The following THSD7A variants were observed in gnomAD, a reference collection of about 807,000 sequenced individuals.
THSD7A encodes the protein thrombospondin type-1 domain-containing protein 7A.
In THSD7A, 96 loss-of-function variants were observed where a neutral mutation model predicts 231.3. The observed-to-expected ratio is 0.41, with a 90% CI of 0.35 to 0.49. The LOEUF is 0.49. THSD7A is among the 20% of genes least tolerant of loss of function. THSD7A has a pLI of 0.05. For missense variants in THSD7A, 2,290 were observed against 2,070.2 expected (o/e 1.11, Z -2.06); for synonymous variants, 940 against 743.3 (o/e 1.26, Z -4.30).
Position 11,411,227 on chromosome 7 carries a change from C to T in THSD7A, c.3778G>A (p.Asp1260Asn). The change falls in exon 19 of 28, where the codon GAC (aspartate) becomes AAC (asparagine). Residue 1260 changes from aspartate (D) to asparagine (N), a missense_variant. Asp to Asn is a conservative substitution (Grantham distance 23). Coordinates refer to ENST00000423059, the MANE Select transcript of THSD7A (RefSeq NM_015204.3). This position sits in a 1 kb window ranked among gnomAD's most constrained non-coding sequence, Gnocchi z 4.1. The part of the protein sequence containing the change: ...DCVRSDGKSV[D>N]LKYCEALGLE... ...CCTACCGCTTCACAATATTTCAGGT[C>T]AACTGACTTGCCATCACTTCGAACA... 1 of 1,613,554 alleles carries T rather than the reference C, an allele frequency of 6.2e-7. No homozygotes were observed.
intron 1 of THSD7A, among the ~76,000 whole-genome samples, chr7:11,809,501 T>C (rs1784475854): frequency 2.6e-5 from 4 of 152,154 alleles, no homozygotes; most frequent in Admixed American, 6.6e-5. Flanking sequence ...CCCATGAGTG[T>C]ATACAAAAGC....
chr7:11,581,810 T>C (rs1197207727), intron 4 of THSD7A, among the ~76,000 whole-genome samples: 1 of 152,126 alleles, frequency 6.6e-6, no homozygotes, highest in Non-Finnish European at 1.5e-5. Flanking sequence ...GGCAAACTAA[T>C]ATTGTTATTT....
chr7:11,652,746 A>C (rs1304443877), intron 1 of THSD7A, among the ~76,000 whole-genome samples: 2 of 151,986 alleles, frequency 1.3e-5, no homozygotes, highest in Non-Finnish European at 2.9e-5. Flanking sequence ...GGGTGAGGCA[A>C]ACTCCATGTG....
intron 4 of THSD7A, among the ~76,000 whole-genome samples, chr7:11,546,684 T>C (rs1305933938): frequency 6.6e-6 from 1 of 152,150 alleles, no homozygotes; most frequent in Non-Finnish European, 1.5e-5. Context: ...TTCAAATGAC[T>C]GCACTAGTTC....
chr7:11,427,768 T>C (rs984834976), intron 14 of THSD7A, among the ~76,000 whole-genome samples: 4 of 152,184 alleles, frequency 2.6e-5, no homozygotes, highest in African/African-American at 9.6e-5. Flanking sequence ...TGCAGTTATA[T>C]AATTATAGTT....
intron 1 of THSD7A, among the ~76,000 whole-genome samples, chr7:11,670,806 TA>T (rs1012635109): frequency 1.9e-4 from 29 of 152,212 alleles, no homozygotes; most frequent in African/African-American, 6.0e-4. Flanking sequence ...ATTAATCTAA[TA>T]AAAAAACAGG....
chr7:11,651,284 G>A (rs1782490823), intron 1 of THSD7A, among the ~76,000 whole-genome samples: 1 of 151,996 alleles, frequency 6.6e-6, no homozygotes, highest in Admixed American at 6.6e-5. Context: ...GATAGGTGAA[G>A]AAGGATATGG....
intron 15 of THSD7A, 115 bp from the exon 16 acceptor site, chr7:11,424,944 T>C: frequency 8.1e-7 from 1 of 1,234,394 alleles, no homozygotes; most frequent in Non-Finnish European, 1.1e-6. Context: ...TCCCCTCCTT[T>C]ACTGCTTATT....
chr7:11,738,792 A>G (rs1274145627), intron 1 of THSD7A, among the ~76,000 whole-genome samples: 1 of 151,966 alleles, frequency 6.6e-6, no homozygotes, highest in Non-Finnish European at 1.5e-5. Context: ...GGATGCTAGA[A>G]AAGGTAAGAA....
intron 23 of THSD7A, among the ~76,000 whole-genome samples, chr7:11,389,287 G>A (rs1164378334): frequency 1.3e-5 from 2 of 152,092 alleles, no homozygotes; most frequent in African/African-American, 4.8e-5. Flanking sequence ...CCTGCATTGG[G>A]TGCATCTATA....
intron 4 of THSD7A, among the ~76,000 whole-genome samples, chr7:11,588,290 C>T (rs182185178): frequency 3.9e-5 from 6 of 152,098 alleles, no homozygotes; most frequent in Non-Finnish European, 7.4e-5. Flanking sequence ...ATGTTAAGTG[C>T]TCCCGGGGAG....
Position 11,814,471 on chromosome 7 carries a change from T to C in THSD7A, c.190+17286A>G, listed in dbSNP as rs73300415. Among the ~76,000 whole-genome samples the C allele has an allele frequency of 0.081, 12,363 of 152,138 alleles. 1,335 individuals carry two copies. Among genetic ancestry groups the C allele is most frequent in the African/African-American group, 0.24 (9,959 of 41,480 alleles). ...TAGACGATGCTATCAGGGTAGAAAA[T>C]TACCTCAAGAAGAATGATCTTGAAA... On this transcript the variant is annotated intron_variant, in intron 1 of 27. Transcript: ENST00000423059. The surrounding 1 kb of genome is among the most constrained non-coding windows in gnomAD (Gnocchi z 5.1).
intron 1 of THSD7A, among the ~76,000 whole-genome samples, chr7:11,789,210 C>A (rs1437977101): frequency 6.6e-6 from 1 of 151,962 alleles, no homozygotes; most frequent in Admixed American, 6.6e-5. Flanking sequence ...GTGCCTGGAA[C>A]TTTGCTGAGA....
In THSD7A at chr7:11,590,460, C is replaced by A; in HGVS notation, c.1453G>T (p.Ala485Ser). ...SQLSTHKNKE[A>S]SKPMDLKLCT... The stretch of plus-strand genomic sequence containing the variant: ...TCCTTGAGAAGAAAGCAAAGGTTAC[C>A]TTCTTTGTTCTTGTGGGTACTTAAT... Residue 485 changes from alanine to serine, a missense_variant and splice_region_variant, in exon 4 of 28, where the codon GCC (alanine) becomes TCC (serine). By Grantham distance (99) the Ala-to-Ser change is moderately conservative (BLOSUM62 1). Transcript: ENST00000423059. The surrounding 1 kb of genome is among the most constrained non-coding windows in gnomAD (Gnocchi z 4.4). 4 of 1,607,396 alleles carry A rather than the reference C, an allele frequency of 2.5e-6. No individual in the cohort carries two copies. Among genetic ancestry groups the A allele is most frequent in the Non-Finnish European group, 3.4e-6 (4 of 1,177,028 alleles).
In THSD7A at chr7:11,444,457, A is replaced by G. The variant is rs1386975199; in HGVS notation, c.3064+1604T>C. Among the ~76,000 whole-genome samples the G allele has an allele frequency of 6.6e-6, 1 of 152,132 alleles. No individual in the cohort carries two copies. Among genetic ancestry groups the G allele is most frequent in the African/African-American group, 2.4e-5 (1 of 41,440 alleles). On this transcript the variant is annotated intron_variant, in intron 13 of 27. Coordinates refer to ENST00000423059, the MANE Select transcript of THSD7A (RefSeq NM_015204.3). This position sits in a 1 kb window ranked among gnomAD's most constrained non-coding sequence, Gnocchi z 4.2. ...AAATGTGGCACATATACATCATAAAATGGATGAAGCTGGAAACCGTCATGC... is the reference window on the plus strand; with the variant it reads ...AAATGTGGCACATATACATCATAAAGTGGATGAAGCTGGAAACCGTCATGC...
chr7:11,465,379 A>T (rs939040331), intron 9 of THSD7A, among the ~76,000 whole-genome samples: 3 of 152,282 alleles, frequency 2.0e-5, no homozygotes, highest in Admixed American at 6.5e-5. Context: ...TGTGCTTAAA[A>T]ATGCCTATCC....
intron 1 of THSD7A, among the ~76,000 whole-genome samples, chr7:11,744,109 G>A (rs1782197414): frequency 6.6e-6 from 1 of 151,728 alleles, no homozygotes; most frequent in Non-Finnish European, 1.5e-5. Context: ...GAATCTACAG[G>A]CCTTTTATGA....
chr7:11,635,167 T>C (rs1422508961), intron 2 of THSD7A, among the ~76,000 whole-genome samples: 3 of 152,176 alleles, frequency 2.0e-5, no homozygotes, highest in Non-Finnish European at 4.4e-5. Flanking sequence ...ATATGTTTTT[T>C]AATCAAGAGA....
intron 1 of THSD7A, among the ~76,000 whole-genome samples, chr7:11,791,335 G>A (rs190124234): frequency 2.6e-5 from 4 of 152,054 alleles, no homozygotes; most frequent in East Asian, 1.9e-4. Flanking sequence ...CCTATTATGG[G>A]TATGGAAATT....
Sources: allele counts gnomAD v4.1 joint callset (sites outside exome capture counted in the v4.1 genomes callset), GRCh38; gene constraint gnomAD v4.1.1; non-coding constraint Gnocchi (gnomAD v3.1); transcripts MANE v1.5; gene names NCBI Gene and HGNC (gene_info 2026-07-23, HGNC 2026-07-21).